COL18A1: variants seen among roughly 807,000 people sequenced by gnomAD.
COL18A1 encodes collagen alpha-1(XVIII) chain.
In COL18A1, 133 loss-of-function variants were observed where a neutral mutation model predicts 168.0. The observed-to-expected ratio is 0.79, with a 90% CI of 0.69 to 0.91. COL18A1 has a LOEUF of 0.91. Ranked by LOEUF, COL18A1 falls within the 40% of genes least tolerant of loss-of-function variation. The pLI is 0.00. For synonymous variants in COL18A1, 949 were observed against 809.0 expected (o/e 1.17, Z -2.94); for missense variants, 2,126 against 1,925.4 (o/e 1.10, Z -1.95).
chr21:45,405,547 C>A (rs1407494373), intron 2 of COL18A1, 74 bp downstream of exon 2: 24 of 952,378 alleles, frequency 2.5e-5, no homozygotes, highest in Non-Finnish European at 3.1e-5. Flanking sequence ...GGTCCCCGCC[C>A]GGCTCCCTCA....
intron 38 of COL18A1, among the ~76,000 whole-genome samples, chr21:45,508,245 G>A (rs566894254): frequency 4.7e-5 from 6 of 128,168 alleles, no homozygotes; most frequent in African/African-American, 1.5e-4. Context: ...AAGTGGGTGA[G>A]TGGATGGTGG....
At chr21:45,441,695 A>T (rs1474791457) in intron 2 of COL18A1, among the ~76,000 whole-genome samples, 1 of 152,218 alleles carries the variant, frequency 6.6e-6, no homozygotes, top group Non-Finnish European at 1.5e-5. Context: ...TCTTCACGCC[A>T]ACAGGTCTCC....
intron 6 of COL18A1, 79 bp downstream of exon 6, chr21:45,476,559 GTA>G (rs1226656823): frequency 8.0e-6 from 12 of 1,504,938 alleles, no homozygotes; most frequent in Admixed American, 5.9e-5. Context: ...TGATGGTGAG[GTA>G]TGTGTGTGAT....
chr21:45,467,403 G>A, intron 2 of COL18A1: 4 of 985,262 alleles, frequency 4.1e-6, no homozygotes, highest in Non-Finnish European at 4.8e-6. Context: ...CTGGTGGGGA[G>A]ACTGTGGCAC....
rs1484872262 is a variant in COL18A1, at chr21:45,457,213, C to T, written c.107-11029C>T. 2.0e-5 allele frequency among the ~76,000 whole-genome samples: 3 copies of T among 152,208 alleles called. No individual in the cohort carries two copies. The highest frequency in any genetic ancestry group is 4.8e-5 in the African/African-American group (2 of 41,452). The stretch of plus-strand genomic sequence containing the variant: ...CCGAGTCACAGAGGGGAAACTGAGG[C>T]GTGGGGCAGTGGCGTGACTCACCCC... On this transcript the variant is annotated intron_variant, in intron 2 of 41. Coordinates refer to ENST00000651438, the MANE Select transcript of COL18A1 (RefSeq NM_001379500.1). This position sits in a 1 kb window ranked among gnomAD's most constrained non-coding sequence, Gnocchi z 4.6.
intron 2 of COL18A1, among the ~76,000 whole-genome samples, chr21:45,450,483 C>T (rs1345808844): frequency 6.6e-6 from 1 of 152,192 alleles, no homozygotes; most frequent in African/African-American, 2.4e-5. Context: ...GCCTTCAGCC[C>T]GGAAATGAGC....
chr21:45,497,489 T>C (rs1188950648), intron 31 of COL18A1, 110 bp from the exon 32 acceptor site: 2 of 1,400,878 alleles, frequency 1.4e-6, no homozygotes, highest in Admixed American at 3.9e-5. Flanking sequence ...GTCCATCTGA[T>C]GCCCCCCCAT....
intron 2 of COL18A1, among the ~76,000 whole-genome samples, chr21:45,419,518 G>C (rs907003656): frequency 6.6e-6 from 1 of 152,098 alleles, no homozygotes; most frequent in Non-Finnish European, 1.5e-5. Flanking sequence ...CGGGCCCTGG[G>C]GTGGGAGCTG....
rs929555166 is a variant in COL18A1 at position 45,481,988 on chromosome 21, A to G, written c.1637A>G (p.Glu546Gly). 1 of 1,613,474 alleles carries G rather than the reference A, an allele frequency of 6.2e-7. No individual in the cohort carries two copies. The highest frequency in any genetic ancestry group is 8.5e-7 in the Non-Finnish European group (1 of 1,179,512). ...GGACCCCCAGGCCCTCCGGGAAGAG[A>G]GGGGCCCCCAGGAAGGACTGGGCAG... ...LPGPPGPPGR[E>G]GPPGRTGQKG... is the part of the protein sequence containing the mutation. Residue 546 changes from glutamate (E) to glycine (G), a missense_variant, in exon 14 of 42, where the codon GAG becomes GGG. Transcript: ENST00000651438.
intron 15 of COL18A1, among the ~76,000 whole-genome samples, chr21:45,485,253 G>A (rs1322425712): frequency 2.1e-5 from 3 of 145,230 alleles, no homozygotes; most frequent in Non-Finnish European, 4.5e-5. Context: ...CACCTGCCTC[G>A]GCCTCCCAAA....
At chr21:45,485,483 G>A (rs543346335) in intron 15 of COL18A1, among the ~76,000 whole-genome samples, 35 of 147,944 alleles carry the variant, frequency 2.4e-4, no homozygotes, top group Non-Finnish European at 2.2e-4. Flanking sequence ...GCAACAGAGC[G>A]AGACCCTGTG....
chr21:45,436,131 G>A (rs1602375170), intron 2 of COL18A1, among the ~76,000 whole-genome samples: 1 of 152,204 alleles, frequency 6.6e-6, no homozygotes, highest in East Asian at 1.9e-4. Flanking sequence ...ATGTTTAAAG[G>A]GGGCTCATTT....
Position 45,487,454 on chromosome 21 carries a change from T to G in COL18A1, c.1841T>G (p.Met614Arg). Residue 614 changes from methionine to arginine, a missense_variant, in exon 17 of 42, where the codon ATG becomes AGG. Met to Arg is a moderately conservative substitution (Grantham distance 91, BLOSUM62 -1). Coordinates refer to ENST00000651438, the MANE Select transcript of COL18A1 (RefSeq NM_001379500.1). ...GPGLPAGFDDMEGSGGPFWST... is the reference protein window; with the variant it reads ...GPGLPAGFDDREGSGGPFWST... ...CTCGTGTGTCTCTTCCAGGATGACATGGAAGGCTCCGGGGGGCCCTTCTGG... is the reference window on the plus strand; with the variant it reads ...CTCGTGTGTCTCTTCCAGGATGACAGGGAAGGCTCCGGGGGGCCCTTCTGG... The G allele has an allele frequency of 6.2e-7, 1 of 1,612,950 alleles. No homozygotes were observed. The highest frequency in any genetic ancestry group is 8.5e-7 in the Non-Finnish European group (1 of 1,179,954).
intron 2 of COL18A1, among the ~76,000 whole-genome samples, chr21:45,466,022 C>A (rs1045474565): frequency 6.6e-6 from 1 of 152,046 alleles, no homozygotes; most frequent in Admixed American, 6.5e-5. Flanking sequence ...CAGACAAAGC[C>A]GAGCATGGGA....
At chr21:45,501,118 G>T (rs925502370) in intron 32 of COL18A1, among the ~76,000 whole-genome samples, 1 of 151,116 alleles carries the variant, frequency 6.6e-6, no homozygotes, top group African/African-American at 2.4e-5. Context: ...GTGTGTGTGT[G>T]TGTGTGTGCA....
chr21:45,440,307 C>T (rs1157708256), intron 2 of COL18A1, among the ~76,000 whole-genome samples: 1 of 152,222 alleles, frequency 6.6e-6, no homozygotes, highest in Non-Finnish European at 1.5e-5. Context: ...AGCTTCTTGC[C>T]CACCCACGGA....
Position 45,494,241 on chromosome 21 carries a change from C to T in COL18A1, c.2353-304C>T, listed in dbSNP as rs924749126. 172 of 434,700 alleles carry T rather than the reference C, an allele frequency of 4.0e-4. 1 individual carries two copies. Among genetic ancestry groups the T allele is most frequent in the Non-Finnish European group, 5.4e-4 (133 of 246,516 alleles). The allele number at this position is 434,700 out of a possible 1,614,324, so 26.9% of individuals were successfully genotyped here. A position where few individuals can be genotyped will look rare whatever the true frequency, so the allele number is the denominator to read the frequency against. The stretch of plus-strand genomic sequence containing the variant: ...GTGGCAACCAGGACACTGCGTGGCA[C>T]ATGCCCTCCACCCTCCACCCTCCAC... On this transcript the variant is annotated intron_variant, in intron 26 of 41. Transcript: ENST00000651438.
At position 45,505,383 on chromosome 21, in the gene COL18A1, C is replaced by CCCCCCTGGG. The variant is rs571597296; in HGVS notation, c.3057_3065dup (p.Pro1020_Gly1022dup). On this transcript the variant is annotated inframe_insertion, in exon 36 of 42. Transcript: ENST00000651438. ...CTATCAGCGTTCCCGGCCCTCCGGG[C>CCCCCCTGGG]CCCCCTGGGCCCCCTGGGCCCCCTG... The CCCCCCTGGG allele has an allele frequency of 1.0e-3, 1,657 of 1,585,026 alleles. 4 individuals carry two copies. The highest frequency in any genetic ancestry group is 2.4e-3 in the East Asian group (107 of 44,660).
chr21:45,513,380 G>T lies in COL18A1; in HGVS notation c.*982G>T, dbSNP rs2037721795. 1 of 152,284 alleles carries T rather than the reference G, an allele frequency of 6.6e-6. No individual in the cohort carries two copies. The highest frequency in any genetic ancestry group is 2.4e-5 in the African/African-American group (1 of 41,466). The allele number at this position is 152,284 out of a possible 1,614,324, so 9.4% of individuals were successfully genotyped here. A position where few individuals can be genotyped will look rare whatever the true frequency, so the allele number is the denominator to read the frequency against. ...TGGACAGGCTGGCTCCAGATGCAGG[G>T]CAGTCATTGGCTGTCTCCTAGGAAA... On this transcript the variant is annotated 3_prime_UTR_variant, in exon 42 of 42. Coordinates refer to ENST00000651438, the MANE Select transcript of COL18A1 (RefSeq NM_001379500.1).
Sources: allele counts gnomAD v4.1 joint callset (sites outside exome capture counted in the v4.1 genomes callset), GRCh38; gene constraint gnomAD v4.1.1; non-coding constraint Gnocchi (gnomAD v3.1); transcripts MANE v1.5; gene names NCBI Gene and HGNC (gene_info 2026-07-23, HGNC 2026-07-21).